Variants in ID4 observed in about 807,000 individuals in gnomAD.
ID4 encodes DNA-binding protein inhibitor ID-4.
In ID4, 9 loss-of-function variants were observed where a neutral mutation model predicts 8.6. The observed-to-expected ratio is 1.04, with a 90% confidence interval of 0.63 to 1.82. The LOEUF (loss-of-function observed/expected upper bound fraction) is 1.82. ID4 is among the 40% of genes most tolerant of loss of function. The pLI is 0.00. For synonymous variants in ID4, 180 were observed against 118.0 expected (o/e 1.53, Z -3.41); for missense variants, 270 against 235.1 (o/e 1.15, Z -0.97).
Position 19,839,096 on chromosome 6 carries a change from C to G in ID4, c.*15-114C>G, listed in dbSNP as rs1030815000. ...CCGGCCGCGGGCGGGTGTTGTCTGA[C>G]CTGGTGGTTTGTTTTGGGTTGTTGA... On this transcript the variant is annotated intron_variant, in intron 2 of 2. Transcript: ENST00000378700. 1.5e-5 allele frequency: 3 copies of G among 195,662 alleles called. No individual in the cohort carries two copies. The South Asian group carries it at 2.9e-4, about 19-fold the overall frequency. 12.1% of individuals were successfully genotyped at this position (195,662 alleles called of 1,614,324 possible).
chr6:19,838,679 C>T (rs987500174), intron 2 of ID4, 37 bp downstream of exon 2: 1 of 1,588,528 alleles, frequency 6.3e-7, no homozygotes, highest in Non-Finnish European at 8.6e-7. Context: ...GGCCGGTCAC[C>T]AGAGACGCCC....
At position 19,842,139 on chromosome 6, in the gene ID4, A is replaced by G. The variant is rs1581597543; in HGVS notation, c.*2944A>G. 6.6e-6 allele frequency among the ~76,000 whole-genome samples: 1 copy of G among 152,224 alleles called. No individual in the cohort carries two copies. The highest frequency in any genetic ancestry group is 1.5e-5 in the Non-Finnish European group (1 of 68,038). On this transcript the variant is annotated 3_prime_UTR_variant, in exon 3 of 3. Coordinates refer to ENST00000378700, the MANE Select transcript of ID4 (RefSeq NM_001546.4). The stretch of plus-strand genomic sequence containing the variant: ...CTTTTTAGAACTTTTTAAAATTTCG[A>G]GCCCACAAATCTATTGTATTAGTTG...
At position 19,840,120 on chromosome 6, in the gene ID4, A is replaced by C. The variant is rs1761327339; in HGVS notation, c.*925A>C. On this transcript the variant is annotated 3_prime_UTR_variant, in exon 3 of 3. Transcript: ENST00000378700. The stretch of plus-strand genomic sequence containing the variant: ...AGCATACATGTTGAAAATACACCTT[A>C]TCAGTTTTTAAGTACAGGGTTTTAT... 6.6e-6 allele frequency: 1 copy of C among 152,594 alleles called. No homozygotes were observed. The highest frequency in any genetic ancestry group is 2.1e-4 in the South Asian group (1 of 4,834). The allele number at this position is 152,594 out of a possible 1,614,324, so 9.5% of individuals were successfully genotyped here.
intron 2 of ID4, chr6:19,838,980 G>A (rs1228441271): frequency 9.8e-6 from 3 of 306,042 alleles, no homozygotes; most frequent in Non-Finnish European, 1.8e-5. Flanking sequence ...CGTGCAGTCT[G>A]TCACCCACAA....
chr6:19,838,456 C>G, intron 1 of ID4, 128 bp from the exon 2 acceptor site: 1 of 1,303,238 alleles, frequency 7.7e-7, no homozygotes, highest in Non-Finnish European at 1.1e-6. Flanking sequence ...CCGGAGGGGC[C>G]CCCCCGGCTA....
In ID4 at chr6:19,840,429, C is replaced by T. The variant is rs1049796886; in HGVS notation, c.*1234C>T. 9 of 152,490 alleles carry T rather than the reference C, an allele frequency of 5.9e-5. No homozygotes were observed. Among genetic ancestry groups the T allele is most frequent in the African/African-American group, 1.9e-4 (8 of 41,420 alleles). 9.4% of individuals were successfully genotyped at this position (152,490 alleles called of 1,614,324 possible). On this transcript the variant is annotated 3_prime_UTR_variant, in exon 3 of 3. Transcript: ENST00000378700. ...ACAAACTCTTGGAAATGAACACTTT[C>T]TGCTTTCCTTCCTCCAAAGAATTAA...
Position 19,838,036 on chromosome 6 carries a change from G to C in ID4, c.282G>C (p.Leu94=), listed in dbSNP as rs1380634086. 6.2e-7 allele frequency: 1 copy of C among 1,606,584 alleles called. No homozygotes were observed. The highest frequency in any genetic ancestry group is 8.5e-7 in the Non-Finnish European group (1 of 1,176,274). Reference sequence around the variant, plus strand: ...AGAAAGTCAGCAAAGTGGAGATCCTGCAGCACGTTATCGACTACATCCTGG... The same window carrying C: ...AGAAAGTCAGCAAAGTGGAGATCCTCCAGCACGTTATCGACTACATCCTGG... ...PNKKVSKVEI[L]QHVIDYILDL... is the part of the protein sequence containing the mutation. Residue 94 remains leucine (L), a synonymous_variant, in exon 1 of 3, where the codon CTG becomes CTC. Coordinates refer to ENST00000378700, the MANE Select transcript of ID4 (RefSeq NM_001546.4).
rs1462287937 is a variant in ID4, at chr6:19,837,703, C to T, written c.-52C>T. 1.5e-5 allele frequency: 16 copies of T among 1,076,340 alleles called. No homozygotes were observed. Among genetic ancestry groups the T allele is most frequent in the African/African-American group, 1.7e-5 (1 of 59,018 alleles). The allele number at this position is 1,076,340 out of a possible 1,614,324, so 66.7% of individuals were successfully genotyped here. ...CGGACGGGGCCCGGAGCTTGCCTGCCTCCCTCGCTCGCCCCAGCGGGTTCG... is the reference window on the plus strand; with the variant it reads ...CGGACGGGGCCCGGAGCTTGCCTGCTTCCCTCGCTCGCCCCAGCGGGTTCG... On this transcript the variant is annotated 5_prime_UTR_variant, in exon 1 of 3. Coordinates refer to ENST00000378700, the MANE Select transcript of ID4 (RefSeq NM_001546.4).
rs1761237493 is a variant in ID4, at chr6:19,837,379, G to GT, written c.-375dup. 3 of 152,806 alleles carry GT rather than the reference G, an allele frequency of 2.0e-5. No homozygotes were observed. The South Asian group carries it at 6.2e-4, about 32-fold the overall frequency. The allele number at this position is 152,806 out of a possible 1,614,324, so 9.5% of individuals were successfully genotyped here. On this transcript the variant is annotated 5_prime_UTR_variant, in exon 1 of 3. Coordinates refer to ENST00000378700, the MANE Select transcript of ID4 (RefSeq NM_001546.4). ...GCGCGGCGGGCCGGGCGAGAGCGTAGTGGAGGAGGCGCGGTTGTGAGTAGT... is the reference window on the plus strand; with the variant it reads ...GCGCGGCGGGCCGGGCGAGAGCGTAGTTGGAGGAGGCGCGGTTGTGAGTAGT...
rs201896369 is a variant in ID4, at chr6:19,837,984, G to A, written c.230G>A (p.Arg77Lys). 4.4e-6 allele frequency: 7 copies of A among 1,594,846 alleles called. No individual in the cohort carries two copies. In the East Asian group the frequency reaches 9.2e-5, roughly 21 times the overall value. The change falls in exon 1 of 3, where the codon AGG (arginine) becomes AAG (lysine). Residue 77 changes from arginine (R) to lysine (K), a missense_variant. Arg to Lys is a conservative substitution (Grantham distance 26). Coordinates refer to ENST00000378700, the MANE Select transcript of ID4 (RefSeq NM_001546.4). Reference protein sequence around the residue: ...DMNDCYSRLRRLVPTIPPNKK... With the variant: ...DMNDCYSRLRKLVPTIPPNKK... ...AACGACTGCTATAGCCGCCTGCGGA[G>A]GCTGGTGCCCACCATCCCGCCCAAC... is the stretch of plus-strand genomic sequence containing the variant.
intron 1 of ID4, 88 bp downstream of exon 1, chr6:19,838,283 T>C (rs1306163518): frequency 1.6e-6 from 2 of 1,213,464 alleles, no homozygotes; most frequent in Non-Finnish European, 2.1e-6. Flanking sequence ...CTCACCGTCC[T>C]CCGGGCAGGG....
Position 19,842,156 on chromosome 6 carries a change from T to C in ID4, c.*2961T>C, listed in dbSNP as rs1477831301. On this transcript the variant is annotated 3_prime_UTR_variant, in exon 3 of 3. Transcript: ENST00000378700. ...AAATTTCGAGCCCACAAATCTATTG[T>C]ATTAGTTGCCTTCTATAACAATAAA... Among the ~76,000 whole-genome samples, 1 of 152,250 alleles carries C rather than the reference T, an allele frequency of 6.6e-6. No individual in the cohort carries two copies. Among genetic ancestry groups the C allele is most frequent in the Non-Finnish European group, 1.5e-5 (1 of 68,046 alleles).
Position 19,841,348 on chromosome 6 carries a change from A to G in ID4, c.*2153A>G, listed in dbSNP as rs1434626971. Among the ~76,000 whole-genome samples the G allele has an allele frequency of 2.6e-5, 4 of 152,310 alleles. No homozygotes were observed. In the East Asian group the frequency reaches 7.7e-4, roughly 29 times the overall value. ...AAATCTGAAGAATTCTAACGACTGC[A>G]TTCTTTGTTATTAAAAAGGGCACAA... On this transcript the variant is annotated 3_prime_UTR_variant, in exon 3 of 3. Transcript: ENST00000378700.
Position 19,837,693 on chromosome 6 carries a change from G to C in ID4, c.-62G>C. On this transcript the variant is annotated 5_prime_UTR_variant, in exon 1 of 3. Coordinates refer to ENST00000378700, the MANE Select transcript of ID4 (RefSeq NM_001546.4). ...GAGCCGGCCGCGGACGGGGCCCGGA[G>C]CTTGCCTGCCTCCCTCGCTCGCCCC... 1 of 1,058,460 alleles carries C rather than the reference G, an allele frequency of 9.4e-7. No homozygotes were observed. The highest frequency in any genetic ancestry group is 4.5e-5 in the South Asian group (1 of 22,264). The allele number at this position is 1,058,460 out of a possible 1,614,324, so 65.6% of individuals were successfully genotyped here.
chr6:19,839,069 G>T, intron 2 of ID4, 141 bp from the exon 3 acceptor site: 1 of 211,666 alleles, frequency 4.7e-6, no homozygotes, highest in Non-Finnish European at 9.5e-6. Flanking sequence ...TCGGCGCCTG[G>T]CCCGGCCGCG....
In ID4 at chr6:19,839,819, T is replaced by G. The variant is rs1304321594; in HGVS notation, c.*624T>G. The G allele has an allele frequency of 6.6e-6, 1 of 151,906 alleles. No individual in the cohort carries two copies. Among genetic ancestry groups the G allele is most frequent in the African/African-American group, 2.4e-5 (1 of 41,424 alleles). The allele number at this position is 151,906 out of a possible 1,614,324, so 9.4% of individuals were successfully genotyped here. On this transcript the variant is annotated 3_prime_UTR_variant, in exon 3 of 3. Coordinates refer to ENST00000378700, the MANE Select transcript of ID4 (RefSeq NM_001546.4). ...AGATATTTTTAATTAAATATTTTTT[T>G]GTAAATATTATGTGTGTGTTTTTTT...
In ID4 at chr6:19,840,576, T is replaced by A. The variant is rs1761340262; in HGVS notation, c.*1381T>A. 6.6e-6 allele frequency: 1 copy of A among 152,626 alleles called. No homozygotes were observed. Among genetic ancestry groups the A allele is most frequent in the African/African-American group, 2.4e-5 (1 of 41,450 alleles). The allele number at this position is 152,626 out of a possible 1,614,324, so 9.5% of individuals were successfully genotyped here. On this transcript the variant is annotated 3_prime_UTR_variant, in exon 3 of 3. Coordinates refer to ENST00000378700, the MANE Select transcript of ID4 (RefSeq NM_001546.4). Reference sequence around the variant, plus strand: ...CTGATGACCGCATCTAGATTATTTTTTTATAAAAATGATTTTCACTATAGC... The same window carrying A: ...CTGATGACCGCATCTAGATTATTTTATTATAAAAATGATTTTCACTATAGC...
At position 19,839,435 on chromosome 6, in the gene ID4, T is replaced by G. The variant is rs1761310318; in HGVS notation, c.*240T>G. 1 of 152,692 alleles carries G rather than the reference T, an allele frequency of 6.5e-6. No homozygotes were observed. The highest frequency in any genetic ancestry group is 1.9e-4 in the East Asian group (1 of 5,200). The allele number at this position is 152,692 out of a possible 1,614,324, so 9.5% of individuals were successfully genotyped here. On this transcript the variant is annotated 3_prime_UTR_variant, in exon 3 of 3. Coordinates refer to ENST00000378700, the MANE Select transcript of ID4 (RefSeq NM_001546.4). ...GTATTCTCTTTTGTCTCTTCATTTA[T>G]AACTGCTGTGAATTGTACATTTCTG...
chr6:19,839,629 A>G lies in ID4; in HGVS notation c.*434A>G, dbSNP rs1004190067. ...AGCATTGTAGATATTTTTTTTTTAC[A>G]TCTATTGTTTAAAATAGATGATTAT... is the stretch of plus-strand genomic sequence containing the variant. On this transcript the variant is annotated 3_prime_UTR_variant, in exon 3 of 3. Transcript: ENST00000378700. 1 of 152,236 alleles carries G rather than the reference A, an allele frequency of 6.6e-6. No homozygotes were observed. The highest frequency in any genetic ancestry group is 2.4e-5 in the African/African-American group (1 of 41,304). The allele number at this position is 152,236 out of a possible 1,614,324, so 9.4% of individuals were successfully genotyped here.
Sources: allele counts gnomAD v4.1 joint callset (sites outside exome capture counted in the v4.1 genomes callset), GRCh38; gene constraint gnomAD v4.1.1; transcripts MANE v1.5; gene names NCBI Gene and HGNC (gene_info 2026-07-23, HGNC 2026-07-21).